The following NRG3 variants were observed in gnomAD, a reference collection of about 807,000 sequenced individuals.
NRG3 encodes the protein neuregulin 3, also known as pro-neuregulin-3, membrane-bound isoform.
Under a neutral mutation model 66.9 loss-of-function variants are expected in NRG3, and 31 were observed. The observed-to-expected ratio is 0.46, with a 90% CI of 0.35 to 0.63. The LOEUF (loss-of-function observed/expected upper bound fraction) is 0.63, where lower values mean the gene tolerates loss of function less well. NRG3 is among the 20% of genes least tolerant of loss of function. The probability of loss-of-function intolerance (pLI) is 0.00; values close to 1 mark genes in which losing one functional copy is unlikely to be tolerated. For synonymous variants in NRG3, 393 were observed against 359.4 expected (o/e 1.09, Z -1.06); for missense variants, 910 against 878.9 (o/e 1.04, Z -0.45).
intron 1 of NRG3, among the ~76,000 whole-genome samples, chr10:81,883,640 G>A (rs916351865): frequency 6.6e-6 from 1 of 152,106 alleles, no homozygotes; most frequent in Non-Finnish European, 1.5e-5. Context: ...TTACAGCCAG[G>A]GTTATGGGAA....
intron 1 of NRG3, among the ~76,000 whole-genome samples, chr10:82,068,346 T>C (rs7922522): frequency 0.03 from 4,517 of 152,316 alleles, 234 homozygotes; most frequent in African/African-American, 0.1. Context: ...AAAATAAGGT[T>C]ATAAATGTTT....
chr10:82,132,604 T>TTCC (rs1397285576), intron 1 of NRG3, among the ~76,000 whole-genome samples: 1 of 145,398 alleles, frequency 6.9e-6, no homozygotes, highest in African/African-American at 2.5e-5. Flanking sequence ...TTGGAAGTAT[T>TTCC]TCCTCCTCCT....
chr10:82,504,983 GT>G, intron 2 of NRG3, among the ~76,000 whole-genome samples: 1 of 152,232 alleles, frequency 6.6e-6, no homozygotes, highest in East Asian at 1.9e-4. Context: ...GGAAAATTCA[GT>G]GAAGTACAGA....
At chr10:82,170,919 A>G (rs1186304772) in intron 1 of NRG3, among the ~76,000 whole-genome samples, 1 of 151,434 alleles carries the variant, frequency 6.6e-6, no homozygotes, top group African/African-American at 2.4e-5. Context: ...AAATCTCTTT[A>G]ATTTTAACAT....
At chr10:81,972,811 T>C (rs1308285709) in intron 1 of NRG3, among the ~76,000 whole-genome samples, 1 of 151,884 alleles carries the variant, frequency 6.6e-6, no homozygotes, top group Non-Finnish European at 1.5e-5. Flanking sequence ...GCACAAGAAA[T>C]TGGAAGGAAA....
chr10:82,222,189 C>T (rs995683094), intron 1 of NRG3, among the ~76,000 whole-genome samples: 1 of 151,850 alleles, frequency 6.6e-6, no homozygotes, highest in Non-Finnish European at 1.5e-5. Flanking sequence ...CAATATAAAA[C>T]AAATTTCTTT....
intron 4 of NRG3, among the ~76,000 whole-genome samples, chr10:82,871,498 T>C (rs1841337197): frequency 6.6e-6 from 1 of 152,126 alleles, no homozygotes; most frequent in African/African-American, 2.4e-5. Flanking sequence ...AATCTATAAA[T>C]GAAGTTGAAA....
At position 82,369,146 on chromosome 10, in the gene NRG3, G is replaced by A. The variant is rs753249631; in HGVS notation, c.953+10278G>A. On this transcript the variant is annotated intron_variant, in intron 2 of 8. Coordinates refer to ENST00000372141, the MANE Select transcript of NRG3 (RefSeq NM_001010848.4). The stretch of plus-strand genomic sequence containing the variant: ...AAGGGCCAAATCACAATTTTTATGC[G>A]TAAACCAAAATGTCAGTGTTTGTGT... 7.3e-5 allele frequency among the ~76,000 whole-genome samples: 9 copies of A among 123,522 alleles called. 1 individual carries two copies. The highest frequency in any genetic ancestry group is 1.2e-4 in the Non-Finnish European group (8 of 65,660). The allele number at this position is 123,522 out of a possible 152,430, so 81.0% of individuals were successfully genotyped here.
chr10:81,892,521 A>G (rs115091400), intron 1 of NRG3, among the ~76,000 whole-genome samples: 4,674 of 152,194 alleles, frequency 0.031, 153 homozygotes, highest in African/African-American at 0.077. Flanking sequence ...CTAGGGCCCT[A>G]TTGTAAATAT....
In NRG3 at chr10:82,358,836, C is replaced by A; in HGVS notation, c.921C>A (p.Ile307=). The change falls in exon 2 of 9, where the codon ATC becomes ATA. Residue 307 remains isoleucine (I), a synonymous_variant. Coordinates refer to ENST00000372141, the MANE Select transcript of NRG3 (RefSeq NM_001010848.4). ...YCLNDGECFV[I]ETLTGSHKHC... is the part of the protein sequence containing the mutation. ...TCAATGATGGCGAGTGCTTTGTGAT[C>A]GAAACCCTGACCGGATCCCATAAAC... 6.2e-7 allele frequency: 1 copy of A among 1,614,132 alleles called. No homozygotes were observed. The highest frequency in any genetic ancestry group is 2.2e-5 in the East Asian group (1 of 44,862).
At chr10:82,010,588 C>G (rs1241474919) in intron 1 of NRG3, among the ~76,000 whole-genome samples, 2 of 152,104 alleles carry the variant, frequency 1.3e-5, no homozygotes, top group Admixed American at 6.5e-5. Flanking sequence ...CATCTACTGC[C>G]TAAAAAGTTT....
chr10:81,931,097 C>T (rs1847306202), intron 1 of NRG3, among the ~76,000 whole-genome samples: 1 of 152,138 alleles, frequency 6.6e-6, no homozygotes, highest in Non-Finnish European at 1.5e-5. Flanking sequence ...AGCAAACTTC[C>T]CTGTTCATTA....
intron 1 of NRG3, among the ~76,000 whole-genome samples, chr10:82,281,652 T>G (rs539205637): frequency 6.6e-6 from 1 of 152,288 alleles, no homozygotes; most frequent in South Asian, 2.1e-4. Flanking sequence ...ACAGTGAATC[T>G]AAATTCCATT....
chr10:82,404,448 G>T (rs533867362), intron 2 of NRG3, among the ~76,000 whole-genome samples: 9 of 152,116 alleles, frequency 5.9e-5, no homozygotes, highest in Non-Finnish European at 1.2e-4. Context: ...TCCATGTGAG[G>T]CACAGCCTTG....
intron 1 of NRG3, among the ~76,000 whole-genome samples, chr10:82,115,416 C>T (rs930067217): frequency 6.6e-6 from 1 of 152,090 alleles, no homozygotes; most frequent in Non-Finnish European, 1.5e-5. Context: ...TCAAAAATCC[C>T]AAGAACTCCA....
intron 1 of NRG3, among the ~76,000 whole-genome samples, chr10:82,160,694 T>A (rs2132941015): frequency 6.6e-6 from 1 of 152,114 alleles, no homozygotes; most frequent in Admixed American, 6.6e-5. Context: ...GTATTTGACT[T>A]TGAATGCAGG....
At chr10:82,194,589 C>T (rs867501449) in intron 1 of NRG3, among the ~76,000 whole-genome samples, 208 of 152,096 alleles carry the variant, frequency 1.4e-3, no homozygotes, top group African/African-American at 4.5e-3. Flanking sequence ...CCCCGTAGTT[C>T]GTGATCTAGA....
rs372500432 is a variant in NRG3 at position 82,738,780 on chromosome 10, A to G, written c.1027+130A>G. 6.7e-4 allele frequency: 516 copies of G among 768,792 alleles called. 3 individuals are homozygous for G. The South Asian group carries it at 7.3e-3, about 11-fold the overall frequency. 47.6% of individuals were successfully genotyped at this position (768,792 alleles called of 1,614,324 possible). A position where few individuals can be genotyped will look rare whatever the true frequency, so the allele number is the denominator to read the frequency against. On this transcript the variant is annotated intron_variant, in intron 3 of 8. Coordinates refer to ENST00000372141, the MANE Select transcript of NRG3 (RefSeq NM_001010848.4). ...TGAAAGCTGCCAAGGACAGAAGCTGATGGCAGATGTTGATGTTCAAAGCAT... is the reference window on the plus strand; with the variant it reads ...TGAAAGCTGCCAAGGACAGAAGCTGGTGGCAGATGTTGATGTTCAAAGCAT...
chr10:82,132,479 G>GATATATATCAT (rs1590227753), intron 1 of NRG3, among the ~76,000 whole-genome samples: 1 of 62,498 alleles, frequency 1.6e-5, no homozygotes, highest in Non-Finnish European at 3.2e-5. Flanking sequence ...ATATATATAT[G>GATATATATCAT]ATATATATAT....
Sources: allele counts gnomAD v4.1 joint callset (sites outside exome capture counted in the v4.1 genomes callset), GRCh38; gene constraint gnomAD v4.1.1; transcripts MANE v1.5; gene names NCBI Gene and HGNC (gene_info 2026-07-23, HGNC 2026-07-21).